GOLGA6L7: variants seen among roughly 807,000 people sequenced by gnomAD.
The protein encoded by GOLGA6L7 is golgin subfamily A member 6-like protein 7.
GOLGA6L7 carries 29 observed loss-of-function variants against 68.9 expected under a neutral mutation model. That is an observed-to-expected ratio of 0.42 (90% CI 0.31 to 0.57). The LOEUF (loss-of-function observed/expected upper bound fraction) is 0.57, where lower values mean the gene tolerates loss of function less well. GOLGA6L7 is among the 20% of genes least tolerant of loss of function. The pLI is 0.13. For missense variants in GOLGA6L7, 396 were observed against 588.4 expected (o/e 0.67, Z 3.38); for synonymous variants, 133 against 197.4 (o/e 0.67, Z 2.73).
At position 28,845,917 on chromosome 15, in the gene GOLGA6L7, G is replaced by A. The variant is rs1225219416; in HGVS notation, c.244C>T (p.Leu82=). The change falls in exon 4 of 9, where the codon CTA becomes TTA. Residue 82 remains leucine (L), a synonymous_variant. Transcript: ENST00000567390. ...CCACTCACCTCTAGCTGCCTCCTTA[G>A]GGCTTGCTGATGTTGGTGGCTTGCC... is the stretch of plus-strand genomic sequence containing the variant. The part of the protein sequence containing the change: ...NKASHQHQQA[L]RRQLEAQDHT... 1.2e-5 allele frequency: 15 copies of A among 1,280,438 alleles called. No individual in the cohort carries two copies. The South Asian group carries it at 1.8e-4, about 15-fold the overall frequency. 79.3% of individuals were successfully genotyped at this position (1,280,438 alleles called of 1,614,324 possible).
chr15:28,842,555 C>T lies in GOLGA6L7; in HGVS notation c.1549G>A (p.Glu517Lys), dbSNP rs892221293. Residue 517 changes from glutamate (E) to lysine (K), a missense_variant, in exon 9 of 9, where the codon GAG becomes AAG. Transcript: ENST00000567390. ...WDEYEKMQEE[E>K]EKIRRQVEKR... is the part of the protein sequence containing the mutation. ...TCCACCTGCCTCCGGATCTTCTCCT[C>T]CTCCTCCTGCATCTTCTCATACTCA... 1 of 1,252,602 alleles carries T rather than the reference C, an allele frequency of 8.0e-7. No individual in the cohort carries two copies. The highest frequency in any genetic ancestry group is 1.6e-5 in the African/African-American group (1 of 64,498). 77.6% of individuals were successfully genotyped at this position (1,252,602 alleles called of 1,614,324 possible). A position where few individuals can be genotyped will look rare whatever the true frequency, so the allele number is the denominator to read the frequency against.
intron 6 of GOLGA6L7, 98 bp downstream of exon 6, chr15:28,845,431 C>T (rs1240839274): frequency 2.9e-6 from 2 of 699,984 alleles, no homozygotes; most frequent in African/African-American, 3.5e-5. Context: ...ATGCTGTCTT[C>T]TGGGCAGGAC....
Position 28,845,510 on chromosome 15 carries a change from G to A in GOLGA6L7, c.462+19C>T. On this transcript the variant is annotated intron_variant, in intron 6 of 8. Coordinates refer to ENST00000567390, the MANE Select transcript of GOLGA6L7 (RefSeq NM_001365371.2). ...GCGAAGCTGGGCTCCCAGGGGACCG[G>A]GTAGGTGGTTGGACTCACCTTGTCC... 1 of 704,534 alleles carries A rather than the reference G, an allele frequency of 1.4e-6. No individual in the cohort carries two copies. Among genetic ancestry groups the A allele is most frequent in the South Asian group, 1.5e-5 (1 of 67,570 alleles). 43.6% of individuals were successfully genotyped at this position (704,534 alleles called of 1,614,324 possible). A position where few individuals can be genotyped will look rare whatever the true frequency, so the allele number is the denominator to read the frequency against.
intron 1 of GOLGA6L7, among the ~76,000 whole-genome samples, chr15:28,848,110 G>A (rs1342116023): frequency 1.3e-5 from 2 of 152,188 alleles, no homozygotes; most frequent in Non-Finnish European, 2.9e-5. Context: ...GCCGAGTATG[G>A]AGTGGGGAGC....
chr15:28,846,397 C>T (rs970918731), intron 2 of GOLGA6L7, 148 bp from the exon 3 acceptor site: 60 of 652,594 alleles, frequency 9.2e-5, no homozygotes, highest in East Asian at 4.3e-4. Flanking sequence ...CTTTCCTTAA[C>T]GCCCAAAGAA....
At chr15:28,844,535 ATTC>A (rs1439349890) in intron 6 of GOLGA6L7, among the ~76,000 whole-genome samples, 4 of 148,590 alleles carry the variant, frequency 2.7e-5, no homozygotes, top group African/African-American at 1.0e-4. Context: ...GCTTCAAGCG[ATTC>A]TTCTGCCTCA....
chr15:28,848,073 T>A (rs1433540053), intron 1 of GOLGA6L7, among the ~76,000 whole-genome samples: 1 of 152,088 alleles, frequency 6.6e-6, no homozygotes, highest in African/African-American at 2.4e-5. Context: ...CCCAGGGAAG[T>A]CAGGCTTGGG....
In GOLGA6L7 at chr15:28,845,961, G is replaced by C; in HGVS notation, c.211-11C>G. 3 of 1,178,378 alleles carry C rather than the reference G, an allele frequency of 2.5e-6. No homozygotes were observed. The highest frequency in any genetic ancestry group is 3.8e-6 in the Non-Finnish European group (3 of 798,600). The allele number at this position is 1,178,378 out of a possible 1,614,324, so 73.0% of individuals were successfully genotyped here. On this transcript the variant is annotated splice_polypyrimidine_tract_variant and intron_variant, in intron 3 of 8. Coordinates refer to ENST00000567390, the MANE Select transcript of GOLGA6L7 (RefSeq NM_001365371.2). ...GCTTGCCTTATTTTCCTATAGAAAA[G>C]AAGAGGAAGACAGAGCTCTTACTAG...
In GOLGA6L7 at chr15:28,848,592, C is replaced by G. The variant is rs1254242659; in HGVS notation, c.-43G>C. On this transcript the variant is annotated 5_prime_UTR_variant, in exon 1 of 9. Transcript: ENST00000567390. Reference sequence around the variant, plus strand: ...GGGGTTGGGGTCACATTGGCGTGATCCAGGCGAGGACAGTGATATGCCTCC... The same window carrying G: ...GGGGTTGGGGTCACATTGGCGTGATGCAGGCGAGGACAGTGATATGCCTCC... 1 of 718,746 alleles carries G rather than the reference C, an allele frequency of 1.4e-6. No homozygotes were observed. The highest frequency in any genetic ancestry group is 2.5e-6 in the Non-Finnish European group (1 of 393,306). 44.5% of individuals were successfully genotyped at this position (718,746 alleles called of 1,614,324 possible).
rs1388806449 is a variant in GOLGA6L7, at chr15:28,841,900, AC to A, written c.*334del. ...AACGCAAGACAAAAGGAGAAAACAA[AC>A]AAAAAAAACAATAGAAACATACATA... On this transcript the variant is annotated 3_prime_UTR_variant, in exon 9 of 9. Coordinates refer to ENST00000567390, the MANE Select transcript of GOLGA6L7 (RefSeq NM_001365371.2). 1 of 164,260 alleles carries A rather than the reference AC, an allele frequency of 6.1e-6. No individual in the cohort carries two copies. Among genetic ancestry groups the A allele is most frequent in the Non-Finnish European group, 1.3e-5 (1 of 76,804 alleles). 10.2% of individuals were successfully genotyped at this position (164,260 alleles called of 1,614,324 possible).
At position 28,844,224 on chromosome 15, in the gene GOLGA6L7, G is replaced by T; in HGVS notation, c.502C>A (p.Leu168Met). The T allele has an allele frequency of 2.8e-6, 1 of 363,484 alleles. No individual in the cohort carries two copies. The highest frequency in any genetic ancestry group is 4.9e-5 in the South Asian group (1 of 20,412). 22.5% of individuals were successfully genotyped at this position (363,484 alleles called of 1,614,324 possible). A position where few individuals can be genotyped will look rare whatever the true frequency, so the allele number is the denominator to read the frequency against. ...TCCTACATGTTCCTGAACAGCTCCA[G>T]ACTCATGGCTTCCCTCTCCTTTGTT... ...ELTKEREAMS[L>M]ELFRNIITNK... is the part of the protein sequence containing the mutation. The change falls in exon 7 of 9, where the codon CTG (leucine) becomes ATG (methionine). Residue 168 changes from leucine to methionine, a missense_variant. Physicochemically the swap from Leu to Met is conservative, Grantham distance 15. This residue lies in a region of GOLGA6L7 where 125 missense variants were observed against 119.4 expected (regional missense o/e 1.05). Transcript: ENST00000567390.
rs572232292 is a variant in GOLGA6L7, at chr15:28,843,293, G to A, written c.811C>T (p.Leu271=). ...TGCATCTGCTGCTCCTGCTCCCGCA[G>A]CTCCTTCTCCTGGTCCCGCAGCCTC... ...EQRLRDQEKE[L]REQEQQMQEQ... is the part of the protein sequence containing the mutation. Residue 271 remains leucine (L), a synonymous_variant, in exon 9 of 9, where the codon CTG becomes TTG. Transcript: ENST00000567390. 160 of 1,231,536 alleles carry A rather than the reference G, an allele frequency of 1.3e-4. No homozygotes were observed. Among genetic ancestry groups the A allele is most frequent in the Non-Finnish European group, 1.4e-4 (137 of 972,086 alleles). 76.3% of individuals were successfully genotyped at this position (1,231,536 alleles called of 1,614,324 possible).
chr15:28,845,365 G>A, intron 6 of GOLGA6L7, 164 bp downstream of exon 6: 1 of 693,098 alleles, frequency 1.4e-6, no homozygotes, highest in Non-Finnish European at 2.6e-6. Flanking sequence ...CACAGCAGCT[G>A]ACTCAGCCCC....
rs2030207432 is a variant in GOLGA6L7, at chr15:28,842,134, C to A, written c.*101G>T. ...ACCGTGCCCGGCCAGTATTTTGCCA[C>A]AATTTAAAATAAATTTTCTTTTTTT... On this transcript the variant is annotated 3_prime_UTR_variant, in exon 9 of 9. Coordinates refer to ENST00000567390, the MANE Select transcript of GOLGA6L7 (RefSeq NM_001365371.2). 9.3e-7 allele frequency: 1 copy of A among 1,079,308 alleles called. No homozygotes were observed. 66.9% of individuals were successfully genotyped at this position (1,079,308 alleles called of 1,614,324 possible). A position where few individuals can be genotyped will look rare whatever the true frequency, so the allele number is the denominator to read the frequency against.
At chr15:28,848,227 T>TTA (rs1187563362) in intron 1 of GOLGA6L7, among the ~76,000 whole-genome samples, 1 of 151,418 alleles carries the variant, frequency 6.6e-6, no homozygotes. Flanking sequence ...GGAGATCCAT[T>TTA]TTTGGACAAT....
intron 3 of GOLGA6L7, 82 bp downstream of exon 3, chr15:28,846,138 C>T (rs4079647): frequency 4.5e-5 from 32 of 717,490 alleles, no homozygotes; most frequent in South Asian, 4.0e-4. Flanking sequence ...TGGGAGTAGG[C>T]GAGACGAGAC....
In GOLGA6L7 at chr15:28,843,310, C is replaced by G; in HGVS notation, c.794G>C (p.Arg265Pro). 2 of 1,145,950 alleles carry G rather than the reference C, an allele frequency of 1.7e-6. No individual in the cohort carries two copies. The highest frequency in any genetic ancestry group is 6.3e-5 in the East Asian group (2 of 31,760). The allele number at this position is 1,145,950 out of a possible 1,614,324, so 71.0% of individuals were successfully genotyped here. Residue 265 changes from arginine to proline, a missense_variant, in exon 9 of 9, where the codon CGG (arginine) becomes CCG (proline). Arg to Pro is a moderately radical substitution (Grantham distance 103). Transcript: ENST00000567390. ...EKMWRQEQRL[R>P]DQEKELREQE... Reference sequence around the variant, plus strand: ...CTCCCGCAGCTCCTTCTCCTGGTCCCGCAGCCTCTGCTCCTGTCTCCACAT... The same window carrying G: ...CTCCCGCAGCTCCTTCTCCTGGTCCGGCAGCCTCTGCTCCTGTCTCCACAT...
In GOLGA6L7 at chr15:28,842,980, T is replaced by C. The variant is rs2030258867; in HGVS notation, c.1124A>G (p.Gln375Arg). Residue 375 changes from glutamine to arginine, a missense_variant, in exon 9 of 9, where the codon CAG (glutamine) becomes CGG (arginine). Physicochemically the swap from Gln to Arg is conservative, Grantham distance 43. Around this residue, in one of 5 missense-constraint regions of GOLGA6L7, gnomAD observed 114 missense variants for 186.0 expected, o/e 0.61. Coordinates refer to ENST00000567390, the MANE Select transcript of GOLGA6L7 (RefSeq NM_001365371.2). The part of the protein sequence containing the change: ...QEEQIGEQEE[Q>R]MRKQEEQMWK... The stretch of plus-strand genomic sequence containing the variant: ...CATCTGCTCCTCCTGCTTCCGCATC[T>C]GCTCCTCCTGCTCCCCTATCTGCTC... 6 of 1,215,546 alleles carry C rather than the reference T, an allele frequency of 4.9e-6. No individual in the cohort carries two copies. The Middle Eastern group carries it at 9.3e-4, about 188-fold the overall frequency. The allele number at this position is 1,215,546 out of a possible 1,614,324, so 75.3% of individuals were successfully genotyped here.
chr15:28,843,591 A>G, intron 8 of GOLGA6L7, 143 bp downstream of exon 8: 1 of 474,190 alleles, frequency 2.1e-6, no homozygotes, highest in Non-Finnish European at 3.6e-6. Flanking sequence ...TTTTTAGCAC[A>G]CTCTAGAGGA....
Sources: allele counts gnomAD v4.1 joint callset (sites outside exome capture counted in the v4.1 genomes callset), GRCh38; gene constraint gnomAD v4.1.1; regional missense constraint gnomAD v4.1.1; transcripts MANE v1.5; gene names NCBI Gene and HGNC (gene_info 2026-07-23, HGNC 2026-07-21).